Variants in PLAAT2 observed in about 807,000 individuals in gnomAD.
PLAAT2 encodes the protein phospholipase A and acyltransferase 2.
A neutral mutation model predicts 12.8 loss-of-function variants in PLAAT2; 12 were observed. That is an observed-to-expected ratio of 0.94 (90% CI 0.60 to 1.52). The LOEUF (loss-of-function observed/expected upper bound fraction) is 1.52. Ranked by LOEUF, PLAAT2 falls within the 40% of genes most tolerant of loss-of-function variation. The pLI is 0.00. For missense variants in PLAAT2, 166 were observed against 208.1 expected, an observed-to-expected ratio of 0.80 and a Z score of 1.24; for synonymous variants, 79 against 86.8, an observed-to-expected ratio of 0.91 and a Z score of 0.50.
At chr11:63,554,090 C>T (rs543962711) in intron 3 of PLAAT2, among the ~76,000 whole-genome samples, 33 of 148,232 alleles carry the variant, frequency 2.2e-4, no homozygotes, top group Middle Eastern at 3.2e-3. Flanking sequence ...CAGTCTGCTG[C>T]GATCCTGTGG....
At chr11:63,564,408 C>T (rs1451148487), upstream of PLAAT2, among the ~76,000 whole-genome samples, 1 of 152,096 alleles carries the variant, frequency 6.6e-6, no homozygotes, top group Non-Finnish European at 1.5e-5. Context: ...TGAGCATCCT[C>T]ACTGTGGGGC....
upstream of PLAAT2, among the ~76,000 whole-genome samples, chr11:63,564,150 A>C (rs2017543841): frequency 1.3e-5 from 2 of 152,286 alleles, no homozygotes; most frequent in South Asian, 4.1e-4. Flanking sequence ...CTGGAAACAG[A>C]GTGAGCCTGC....
chr11:63,562,272 T>A (rs190307498), intron 1 of PLAAT2, among the ~76,000 whole-genome samples: 1 of 152,270 alleles, frequency 6.6e-6, no homozygotes, highest in East Asian at 1.9e-4. Flanking sequence ...TGAGACATGA[T>A]CTCATTTTGT....
At chr11:63,558,259 A>G (rs559354205) in intron 3 of PLAAT2, 133 bp downstream of exon 3, 1 of 1,001,696 alleles carries the variant, frequency 1.0e-6, no homozygotes, top group Non-Finnish European at 1.5e-6. Context: ...CCTCAAGGAC[A>G]ACAGTTTCAT....
chr11:63,561,533 C>T (rs1466741016), intron 1 of PLAAT2, among the ~76,000 whole-genome samples: 2 of 150,946 alleles, frequency 1.3e-5, no homozygotes, highest in Non-Finnish European at 2.9e-5. Context: ...TAATCCCACC[C>T]ACTTGGGAGG....
intron 3 of PLAAT2, among the ~76,000 whole-genome samples, chr11:63,554,086 G>A (rs2017443576): frequency 6.6e-6 from 1 of 150,596 alleles, no homozygotes; most frequent in South Asian, 2.1e-4. Flanking sequence ...GAGACAGTCT[G>A]CTGCGATCCT....
At chr11:63,553,140 T>A (rs186383791) in intron 3 of PLAAT2, 75 bp from the exon 4 acceptor site, 1 of 893,852 alleles carries the variant, frequency 1.1e-6, no homozygotes, top group East Asian at 2.5e-5. Flanking sequence ...AAACTACAGC[T>A]CAGGAAAGAC....
chr11:63,559,599 C>T (rs2017499530), intron 2 of PLAAT2, among the ~76,000 whole-genome samples: 1 of 115,558 alleles, frequency 8.7e-6, no homozygotes, highest in Non-Finnish European at 1.7e-5. Flanking sequence ...CTAAAGGGGA[C>T]CCCAGACTCC....
At chr11:63,563,535 G>A (rs530111742), upstream of PLAAT2, among the ~76,000 whole-genome samples, 10 of 151,900 alleles carry the variant, frequency 6.6e-5, no homozygotes, top group African/African-American at 1.4e-4. Flanking sequence ...TGACTAACAC[G>A]GTGAAACCCC....
At chr11:63,553,446 C>T (rs2017436172) in intron 3 of PLAAT2, among the ~76,000 whole-genome samples, 2 of 151,420 alleles carry the variant, frequency 1.3e-5, no homozygotes, top group South Asian at 4.2e-4. Flanking sequence ...TCAAGACCAG[C>T]CTAGGCAACA....
intron 3 of PLAAT2, among the ~76,000 whole-genome samples, chr11:63,554,221 T>G (rs1437150729): frequency 1.3e-5 from 2 of 151,652 alleles, no homozygotes; most frequent in African/African-American, 4.8e-5. Context: ...ATATCAGCAC[T>G]GTGCTGGGAA....
At chr11:63,560,263 A>G (rs1388234383) in intron 1 of PLAAT2, 70 bp from the exon 2 acceptor site, 12 of 1,135,078 alleles carry the variant, frequency 1.1e-5, no homozygotes, top group Non-Finnish European at 1.6e-5. Context: ...CCTGACCTGC[A>G]AGGAGCCCCA....
chr11:63,558,017 T>C (rs913794003), intron 3 of PLAAT2, among the ~76,000 whole-genome samples: 20 of 152,172 alleles, frequency 1.3e-4, no homozygotes, highest in Non-Finnish European at 7.3e-5. Context: ...ATGGCTGACA[T>C]GGACTAGAGA....
intron 1 of PLAAT2, among the ~76,000 whole-genome samples, chr11:63,562,310 T>A (rs556453394): frequency 1.3e-5 from 2 of 152,252 alleles, no homozygotes; most frequent in East Asian, 3.9e-4. Flanking sequence ...AGTGGCACTA[T>A]CACAGCTCAC....
In PLAAT2 at chr11:63,560,202, G is replaced by C; in HGVS notation, c.10-9C>G. On this transcript the variant is annotated splice_polypyrimidine_tract_variant and intron_variant, in intron 1 of 3. Transcript: ENST00000255695. ...CTCGGTCTTGGTCTGGCCTGCAACA[G>C]AAAAACCAGAAACAGGCAGAGGTGA... 1 of 1,607,674 alleles carries C rather than the reference G, an allele frequency of 6.2e-7. No homozygotes were observed. Among genetic ancestry groups the C allele is most frequent in the Middle Eastern group, 1.7e-4 (1 of 6,036 alleles).
intron 1 of PLAAT2, 26 bp downstream of exon 1, chr11:63,563,290 C>G: frequency 6.2e-7 from 1 of 1,613,958 alleles, no homozygotes; most frequent in Non-Finnish European, 8.5e-7. Context: ...CAAATCAAAG[C>G]TTTAAAACCG....
At chr11:63,555,673 T>C (rs918371018) in intron 3 of PLAAT2, among the ~76,000 whole-genome samples, 2 of 152,192 alleles carry the variant, frequency 1.3e-5, no homozygotes, top group African/African-American at 4.8e-5. Context: ...ACCTCTGCAC[T>C]CCAGCCTGGG....
upstream of PLAAT2, chr11:63,563,438 G>T: frequency 2.2e-6 from 3 of 1,361,028 alleles, no homozygotes; most frequent in Non-Finnish European, 3.1e-6. Flanking sequence ...CAGAACATAG[G>T]CTGGGTGCGG....
chr11:63,559,612 G>T (rs1256956073), intron 2 of PLAAT2, among the ~76,000 whole-genome samples: 1 of 115,074 alleles, frequency 8.7e-6, no homozygotes, highest in African/African-American at 3.5e-5. Context: ...CAGACTCCTG[G>T]GAAGCTGAAC....
Sources: gnomAD v4.1 joint callset for allele counts (sites outside exome capture counted in the v4.1 genomes callset) on GRCh38, gnomAD v4.1.1 for gene constraint, MANE v1.5 for transcripts, NCBI Gene and HGNC (gene_info 2026-07-23, HGNC 2026-07-21) for gene names.